CLVS1: variants seen among roughly 807,000 people sequenced by gnomAD.
CLVS1 encodes clavesin 1, also known as clavesin-1.
In CLVS1, 10 loss-of-function variants were observed where a neutral mutation model predicts 33.1. The ratio of observed to expected loss-of-function variants is 0.30; its 90% CI spans 0.19 to 0.51. CLVS1 has a LOEUF of 0.51. CLVS1 is among the 20% of genes least tolerant of loss of function. The pLI, the probability that CLVS1 is intolerant of heterozygous loss-of-function variation, is 0.97. For synonymous variants in CLVS1, 163 were observed against 166.1 expected (o/e 0.98, Z 0.14); for missense variants, 343 against 433.4 (o/e 0.79, Z 1.85).
chr8:61,214,553 C>A, intron 2 of CLVS1, among the ~76,000 whole-genome samples: 1 of 152,160 alleles, frequency 6.6e-6, no homozygotes. Flanking sequence ...GAGAAGGCAG[C>A]CATCTAAAGG....
intron 2 of CLVS1, chr8:61,370,691 G>C (rs1813401550): frequency 6.6e-6 from 1 of 152,104 alleles, no homozygotes; most frequent in Admixed American, 6.6e-5. Context: ...CCCGGCCACT[G>C]TATCATTCTT....
chr8:61,054,628 T>C (rs1804445755), upstream of CLVS1, among the ~76,000 whole-genome samples: 1 of 152,034 alleles, frequency 6.6e-6, no homozygotes, highest in African/African-American at 2.4e-5. Flanking sequence ...GTGCTGGCTT[T>C]TGGCTTTAGA....
At chr8:61,404,907 G>C (rs978595719) in intron 3 of CLVS1, among the ~76,000 whole-genome samples, 1 of 152,136 alleles carries the variant, frequency 6.6e-6, no homozygotes, top group Non-Finnish European at 1.5e-5. Context: ...TGTCAAGCTC[G>C]ATCCCCAGAT....
At chr8:61,410,590 C>T (rs1296921592) in intron 3 of CLVS1, among the ~76,000 whole-genome samples, 7 of 152,112 alleles carry the variant, frequency 4.6e-5, no homozygotes, top group Admixed American at 1.3e-4. Flanking sequence ...TCTGCATACC[C>T]GCCCCACTCT....
At chr8:61,471,239 G>A (rs572885525) in intron 5 of CLVS1, among the ~76,000 whole-genome samples, 8 of 152,242 alleles carry the variant, frequency 5.3e-5, no homozygotes, top group Admixed American at 3.3e-4. Flanking sequence ...AAGAGCTCCC[G>A]GCTTGCTGTT....
At chr8:61,166,881 C>CT (rs1219328139) in intron 2 of CLVS1, among the ~76,000 whole-genome samples, 5,618 of 129,112 alleles carry the variant, frequency 0.044, 192 homozygotes, top group African/African-American at 0.1. Flanking sequence ...TAATTTTTTT[C>CT]TTTTTTTTCT....
chr8:61,375,194 T>C (rs1002285783), intron 2 of CLVS1, among the ~76,000 whole-genome samples: 1 of 151,894 alleles, frequency 6.6e-6, no homozygotes, highest in Admixed American at 6.6e-5. Flanking sequence ...ACTTTAAGCA[T>C]AGGCATAACA....
At chr8:60,974,969 T>C in the CLVS1 span, among the ~76,000 whole-genome samples, 12 of 152,182 alleles carry the variant, frequency 7.9e-5, no homozygotes, top group Non-Finnish European at 1.6e-4. Context: ...GGTTATGATT[T>C]GAGTGGCTTG....
At chr8:61,400,623 G>A (rs1303641164) in intron 3 of CLVS1, among the ~76,000 whole-genome samples, 1 of 152,172 alleles carries the variant, frequency 6.6e-6, no homozygotes, top group Admixed American at 6.5e-5. Flanking sequence ...CTTTCAAGGG[G>A]TATGCTTCCA....
At chr8:60,973,738 C>A in the CLVS1 span, among the ~76,000 whole-genome samples, 1 of 152,150 alleles carries the variant, frequency 6.6e-6, no homozygotes, top group African/African-American at 2.4e-5. Context: ...AGGACATATA[C>A]CAGTTAAACT....
At chr8:61,012,302 A>ACT in the CLVS1 span, among the ~76,000 whole-genome samples, 1 of 151,728 alleles carries the variant, frequency 6.6e-6, no homozygotes, top group South Asian at 2.1e-4. Flanking sequence ...GCTCTTTTGC[A>ACT]CTCTCTCTCT....
chr8:61,335,660 C>T (rs1053941893), intron 2 of CLVS1, among the ~76,000 whole-genome samples: 2 of 152,174 alleles, frequency 1.3e-5, no homozygotes, highest in African/African-American at 4.8e-5. Flanking sequence ...ATCTAGATGA[C>T]ATATAAGAAT....
chr8:61,284,941 A>C (rs1042608947), upstream of CLVS1, among the ~76,000 whole-genome samples: 3 of 152,224 alleles, frequency 2.0e-5, no homozygotes, highest in Non-Finnish European at 4.4e-5. Context: ...GAAGTGAAAA[A>C]GCAAATAAAT....
intron 2 of CLVS1, among the ~76,000 whole-genome samples, chr8:61,186,366 C>A (rs1207683519): frequency 6.6e-6 from 1 of 152,138 alleles, no homozygotes; most frequent in Non-Finnish European, 1.5e-5. Context: ...GTTGCAGCCC[C>A]CCTCAAGAGA....
intron 3 of CLVS1, among the ~76,000 whole-genome samples, chr8:61,384,365 G>T (rs1814000335): frequency 6.6e-6 from 1 of 152,122 alleles, no homozygotes; most frequent in Non-Finnish European, 1.5e-5. Context: ...AGCAGGGAGG[G>T]GTTAGAGGCA....
intron 2 of CLVS1, among the ~76,000 whole-genome samples, chr8:61,182,782 CA>C (rs1464387123): frequency 6.6e-6 from 1 of 152,178 alleles, no homozygotes; most frequent in African/African-American, 2.4e-5. Context: ...TTTGACCCAG[CA>C]ATCCCATTAC....
At chr8:61,146,011 G>C (rs951010940) in intron 2 of CLVS1, among the ~76,000 whole-genome samples, 5 of 152,178 alleles carry the variant, frequency 3.3e-5, no homozygotes, top group African/African-American at 9.7e-5. Context: ...ATGTTTCTCA[G>C]ACCTATTGCA....
At chr8:61,065,252 A>G (rs925635483) in intron 1 of CLVS1, among the ~76,000 whole-genome samples, 2 of 152,266 alleles carry the variant, frequency 1.3e-5, no homozygotes, top group African/African-American at 2.4e-5. Flanking sequence ...AATGTATTAG[A>G]TAATGTAAAT....
chr8:61,108,113 C>T (rs1329319803), intron 1 of CLVS1, among the ~76,000 whole-genome samples: 2 of 148,686 alleles, frequency 1.3e-5, no homozygotes, highest in African/African-American at 5.0e-5. Context: ...ACTAAAAATA[C>T]AAAAAAATTT....
Sources: gnomAD v4.1 joint callset for allele counts (sites outside exome capture counted in the v4.1 genomes callset) on GRCh38, gnomAD v4.1.1 for gene constraint, MANE v1.5 for transcripts, NCBI Gene and HGNC (gene_info 2026-07-23, HGNC 2026-07-21) for gene names.